The following KCNIP1 variants were observed in gnomAD, a reference collection of about 807,000 sequenced individuals.
KCNIP1 encodes potassium voltage-gated channel interacting protein 1.
A neutral mutation model predicts 33.0 loss-of-function variants in KCNIP1; 18 were observed. That is an observed-to-expected ratio of 0.55 (90% confidence interval 0.38 to 0.81). The LOEUF is 0.81. Ranked by LOEUF, KCNIP1 falls within the 30% of genes least tolerant of loss-of-function variation. The pLI, the probability that KCNIP1 is intolerant of heterozygous loss-of-function variation, is 0.00. For missense variants in KCNIP1, 238 were observed against 271.6 expected (o/e 0.88, Z 0.87); for synonymous variants, 93 against 98.3 (o/e 0.95, Z 0.32).
At chr5:170,688,841 G>T (rs1762627298) in intron 1 of KCNIP1, among the ~76,000 whole-genome samples, 1 of 151,780 alleles carries the variant, frequency 6.6e-6, no homozygotes, top group Non-Finnish European at 1.5e-5. Flanking sequence ...CTACAAAATG[G>T]GCTGATCCTA....
chr5:170,645,514 C>T (rs566891811), intron 1 of KCNIP1, among the ~76,000 whole-genome samples: 1 of 152,310 alleles, frequency 6.6e-6, no homozygotes, highest in Admixed American at 6.5e-5. Flanking sequence ...CATCAGTCAA[C>T]TGTTACACTT....
intron 1 of KCNIP1, among the ~76,000 whole-genome samples, chr5:170,549,322 A>G (rs1756522088): frequency 6.6e-6 from 1 of 152,152 alleles, no homozygotes; most frequent in African/African-American, 2.4e-5. Context: ...TTTTTAAAAT[A>G]TGGATTCTGA....
At chr5:170,477,238 T>C (rs1047834443) in intron 1 of KCNIP1, among the ~76,000 whole-genome samples, 5 of 151,832 alleles carry the variant, frequency 3.3e-5, no homozygotes, top group Non-Finnish European at 7.4e-5. Flanking sequence ...GGGAGATATA[T>C]ATATATATCA....
intron 2 of KCNIP1, 35 bp downstream of exon 2, chr5:170,718,917 G>C (rs34377595): frequency 0.097 from 154,222 of 1,591,130 alleles, 9,060 homozygotes; most frequent in African/African-American, 0.25. Flanking sequence ...GCCTGGGGGG[G>C]GTTCCCACGT....
chr5:170,555,461 A>G (rs1756812192), intron 1 of KCNIP1, among the ~76,000 whole-genome samples: 1 of 152,180 alleles, frequency 6.6e-6, no homozygotes, highest in African/African-American at 2.4e-5. Context: ...TATTACCAAT[A>G]GGGAAACTGA....
intron 7 of KCNIP1, 95 bp from the exon 8 acceptor site, chr5:170,735,664 T>C: frequency 1.9e-6 from 2 of 1,078,968 alleles, no homozygotes; most frequent in Non-Finnish European, 1.4e-6. Flanking sequence ...TTTCTCCATA[T>C]AGGAAACCCA....
intron 1 of KCNIP1, among the ~76,000 whole-genome samples, chr5:170,444,208 C>T (rs1018645862): frequency 2.0e-4 from 30 of 152,110 alleles, no homozygotes; most frequent in African/African-American, 5.6e-4. Flanking sequence ...GGGCTGGATC[C>T]GGGTGTTGGC....
At chr5:170,651,254 G>A (rs1336802444) in intron 1 of KCNIP1, among the ~76,000 whole-genome samples, 1 of 152,150 alleles carries the variant, frequency 6.6e-6, no homozygotes, top group Non-Finnish European at 1.5e-5. Flanking sequence ...CAGGAGGGGT[G>A]CAAATCAAAG....
At chr5:170,393,575 G>T (rs191338103) in intron 1 of KCNIP1, among the ~76,000 whole-genome samples, 1 of 152,334 alleles carries the variant, frequency 6.6e-6, no homozygotes, top group Non-Finnish European at 1.5e-5. Context: ...AACAGAAAGT[G>T]AAAGATGTGT....
chr5:170,630,649 GGGCACAGCACA>G (rs936828127), intron 1 of KCNIP1, among the ~76,000 whole-genome samples: 1 of 152,172 alleles, frequency 6.6e-6, no homozygotes, highest in Admixed American at 6.5e-5. Flanking sequence ...GGATGTGAAT[GGGCACAGCACA>G]GGTGAGAACA....
At chr5:170,571,791 T>C (rs1424675106) in intron 1 of KCNIP1, among the ~76,000 whole-genome samples, 1 of 152,084 alleles carries the variant, frequency 6.6e-6, no homozygotes, top group Non-Finnish European at 1.5e-5. Context: ...AGGGAATAGG[T>C]CATTCTGTGG....
intron 5 of KCNIP1, among the ~76,000 whole-genome samples, chr5:170,724,879 G>C (rs1213558711): frequency 6.6e-6 from 1 of 152,206 alleles, no homozygotes; most frequent in Non-Finnish European, 1.5e-5. Flanking sequence ...ATATAGTTAA[G>C]ATGTGGATTC....
At chr5:170,435,996 G>A (rs1007479454) in intron 1 of KCNIP1, among the ~76,000 whole-genome samples, 11 of 152,122 alleles carry the variant, frequency 7.2e-5, no homozygotes, top group African/African-American at 2.7e-4. Flanking sequence ...TGCCCACCAT[G>A]CCCAAAGCCC....
chr5:170,383,841 G>T, intron 1 of KCNIP1: 9 of 1,613,824 alleles, frequency 5.6e-6, no homozygotes, highest in Non-Finnish European at 7.6e-6. Context: ...TGGATTCCTG[G>T]GTCCACACGC....
chr5:170,543,679 A>T (rs1756298922), intron 1 of KCNIP1, among the ~76,000 whole-genome samples: 1 of 152,220 alleles, frequency 6.6e-6, no homozygotes, highest in South Asian at 2.1e-4. Flanking sequence ...TTAGAAGATA[A>T]CATTTTTCTC....
chr5:170,707,370 T>C (rs938262114), intron 1 of KCNIP1, among the ~76,000 whole-genome samples: 2 of 152,206 alleles, frequency 1.3e-5, no homozygotes, highest in Admixed American at 6.5e-5. Flanking sequence ...GCCTTGCTCC[T>C]TGTCCTGACA....
chr5:170,443,138 C>T (rs1280348227), intron 1 of KCNIP1, among the ~76,000 whole-genome samples: 2 of 152,154 alleles, frequency 1.3e-5, no homozygotes, highest in African/African-American at 4.8e-5. Flanking sequence ...CCCCTCTTGT[C>T]CAGACCCAAA....
At chr5:170,543,035 A>G (rs1756271120) in intron 1 of KCNIP1, among the ~76,000 whole-genome samples, 1 of 152,214 alleles carries the variant, frequency 6.6e-6, no homozygotes, top group Admixed American at 6.5e-5. Context: ...ATGTCCTCAC[A>G]TAGAAGAAGG....
intron 1 of KCNIP1, among the ~76,000 whole-genome samples, chr5:170,401,420 C>G (rs943185781): frequency 1.3e-5 from 2 of 152,172 alleles, no homozygotes; most frequent in African/African-American, 4.8e-5. Flanking sequence ...CCAGAAGACT[C>G]TGTCTCTAAG....
Sources: gnomAD v4.1 joint callset for allele counts (sites outside exome capture counted in the v4.1 genomes callset) on GRCh38, gnomAD v4.1.1 for gene constraint, MANE v1.5 for transcripts, NCBI Gene and HGNC (gene_info 2026-07-23, HGNC 2026-07-21) for gene names.